Variants in CEP112 observed in about 807,000 individuals in gnomAD.
CEP112 encodes the protein centrosomal protein 112.
A neutral mutation model predicts 153.0 loss-of-function variants in CEP112; 127 were observed. The observed-to-expected ratio is 0.83, with a 90% CI of 0.72 to 0.96. The LOEUF (loss-of-function observed/expected upper bound fraction) is 0.96. Among genes scored for constraint, CEP112 ranks in the 40% least tolerant of loss-of-function variants. CEP112 has a pLI of 0.00. For synonymous variants in CEP112, 358 were observed against 374.4 expected (o/e 0.96, Z 0.51); for missense variants, 1,089 against 1,101.2 (o/e 0.99, Z 0.16).
At chr17:66,127,232 G>A (rs1012049577) in intron 6 of CEP112, among the ~76,000 whole-genome samples, 11 of 152,114 alleles carry the variant, frequency 7.2e-5, no homozygotes, top group African/African-American at 1.4e-4. Flanking sequence ...TTAAACAACC[G>A]TGAAAAGTAC....
At chr17:65,713,779 G>C (rs1168325707) in intron 23 of CEP112, among the ~76,000 whole-genome samples, 2 of 151,950 alleles carry the variant, frequency 1.3e-5, no homozygotes, top group Admixed American at 6.6e-5. Flanking sequence ...TAGTAGAGAC[G>C]GGGTTTCACC....
intron 18 of CEP112, among the ~76,000 whole-genome samples, chr17:65,931,669 G>T (rs1029914038): frequency 6.6e-6 from 1 of 152,232 alleles, no homozygotes; most frequent in Non-Finnish European, 1.5e-5. Flanking sequence ...AGGAAGCACA[G>T]TTGACAGATC....
intron 24 of CEP112, among the ~76,000 whole-genome samples, chr17:65,671,314 C>G (rs891321359): frequency 1.3e-5 from 2 of 152,136 alleles, no homozygotes; most frequent in African/African-American, 4.8e-5. Flanking sequence ...GGAGAAGTAC[C>G]CCCATGTACA....
chr17:65,648,944 G>A (rs1401965252), intron 24 of CEP112, among the ~76,000 whole-genome samples: 6 of 152,088 alleles, frequency 3.9e-5, no homozygotes, highest in Admixed American at 1.3e-4. Context: ...CCAGCTACTC[G>A]GGAGGCTGAG....
chr17:65,705,190 T>A (rs2144643357), intron 23 of CEP112, among the ~76,000 whole-genome samples: 1 of 152,368 alleles, frequency 6.6e-6, no homozygotes, highest in East Asian at 1.9e-4. Context: ...CATGGAAATT[T>A]CATTTGTATC....
chr17:65,837,386 T>G (rs1471027260), intron 21 of CEP112, among the ~76,000 whole-genome samples: 2 of 151,448 alleles, frequency 1.3e-5, no homozygotes, highest in South Asian at 4.2e-4. Flanking sequence ...ACCCATCGTC[T>G]GAGATGTGGG....
At chr17:65,918,068 T>C (rs1016826861) in intron 19 of CEP112, among the ~76,000 whole-genome samples, 14 of 151,314 alleles carry the variant, frequency 9.3e-5, no homozygotes, top group Non-Finnish European at 1.8e-4. Context: ...TAGTCCCAGC[T>C]ACTTGGGAGG....
At chr17:65,936,793 T>TCTTCCCCTCCCCCGCCTC (rs1555720966) in intron 18 of CEP112, among the ~76,000 whole-genome samples, 1 of 109,542 alleles carries the variant, frequency 9.1e-6, no homozygotes, top group African/African-American at 3.2e-5. Context: ...TCCGTCTACC[T>TCTTCCCCTCCCCCGCCTC]CTCCCCCTCC....
chr17:66,174,560 AGCCAAAAACTAT>A (rs899638370), intron 4 of CEP112, among the ~76,000 whole-genome samples: 12 of 152,198 alleles, frequency 7.9e-5, no homozygotes, highest in African/African-American at 2.7e-4. Flanking sequence ...CCTTCCCTAA[AGCCAAAAACTAT>A]GCTACCACAA....
chr17:66,142,190 T>C (rs2070730987), intron 4 of CEP112, among the ~76,000 whole-genome samples: 1 of 152,220 alleles, frequency 6.6e-6, no homozygotes, highest in Non-Finnish European at 1.5e-5. Context: ...TCAAGTTCTT[T>C]GCCCATCTTA....
chr17:65,716,916 G>GA (rs1410191018), intron 23 of CEP112, among the ~76,000 whole-genome samples: 1 of 152,142 alleles, frequency 6.6e-6, no homozygotes, highest in East Asian at 1.9e-4. Flanking sequence ...GGAAGGCTGG[G>GA]AGTCATGCTT....
At chr17:65,791,407 T>C (rs1346671718) in intron 21 of CEP112, among the ~76,000 whole-genome samples, 1 of 152,180 alleles carries the variant, frequency 6.6e-6, no homozygotes, top group Non-Finnish European at 1.5e-5. Context: ...AGCTCCCTGG[T>C]TGCTTCTGAT....
chr17:66,085,210 T>G (rs2067873318), intron 8 of CEP112, among the ~76,000 whole-genome samples: 1 of 152,182 alleles, frequency 6.6e-6, no homozygotes, highest in African/African-American at 2.4e-5. Flanking sequence ...TATCATAAAA[T>G]TCACACATTT....
chr17:65,707,271 A>G (rs1039912132), intron 23 of CEP112, among the ~76,000 whole-genome samples: 19 of 152,162 alleles, frequency 1.2e-4, no homozygotes, highest in African/African-American at 4.6e-4. Flanking sequence ...ATAGAAAATT[A>G]TAAGTCTTTG....
At chr17:65,932,228 T>C (rs554355297) in intron 18 of CEP112, among the ~76,000 whole-genome samples, 6 of 152,178 alleles carry the variant, frequency 3.9e-5, no homozygotes, top group African/African-American at 1.4e-4. Context: ...AGCTGGTCCA[T>C]CCAGAATCTT....
chr17:65,940,395 C>G (rs754099069), intron 18 of CEP112, among the ~76,000 whole-genome samples: 12 of 152,166 alleles, frequency 7.9e-5, no homozygotes, highest in Non-Finnish European at 1.5e-4. Context: ...CAGCATAAAT[C>G]AAAGGAATTG....
At chr17:65,951,836 T>C (rs2061847560) in intron 18 of CEP112, among the ~76,000 whole-genome samples, 1 of 150,566 alleles carries the variant, frequency 6.6e-6, no homozygotes, top group Non-Finnish European at 1.5e-5. Context: ...TTGAGAATTT[T>C]ATTTTTGGAT....
At chr17:66,042,119 A>G (rs2066009107) in intron 12 of CEP112, among the ~76,000 whole-genome samples, 1 of 152,054 alleles carries the variant, frequency 6.6e-6, no homozygotes, top group African/African-American at 2.4e-5. Context: ...GAGACTGAGG[A>G]AGGCAGATCA....
chr17:65,730,150 T>A (rs144725327), intron 23 of CEP112, among the ~76,000 whole-genome samples: 1 of 152,194 alleles, frequency 6.6e-6, no homozygotes, highest in Admixed American at 6.5e-5. Context: ...ATATCTCTCA[T>A]AGCACTTGAA....
Sources: allele counts gnomAD v4.1 joint callset (sites outside exome capture counted in the v4.1 genomes callset), GRCh38; gene constraint gnomAD v4.1.1; transcripts MANE v1.5; gene names NCBI Gene and HGNC (gene_info 2026-07-23, HGNC 2026-07-21).